The following CSTL1 variants were observed in gnomAD, a reference collection of about 807,000 sequenced individuals.
CSTL1 encodes the protein cystatin like 1.
A neutral mutation model predicts 14.4 loss-of-function variants in CSTL1; 14 were observed. The ratio of observed to expected loss-of-function variants is 0.97; its 90% CI spans 0.64 to 1.52. CSTL1 has a LOEUF of 1.52. CSTL1 is among the 40% of genes most tolerant of loss of function. The pLI, the probability that CSTL1 is intolerant of heterozygous loss-of-function variation, is 0.00. For missense variants in CSTL1, 170 were observed against 168.7 expected, an observed-to-expected ratio of 1.01 and a Z score of -0.04; for synonymous variants, 72 against 67.5, an observed-to-expected ratio of 1.07 and a Z score of -0.33.
At chr20:23,456,675 C>G in the CSTL1 span, among the ~76,000 whole-genome samples, 1 of 152,180 alleles carries the variant, frequency 6.6e-6, no homozygotes, top group Non-Finnish European at 1.5e-5. Flanking sequence ...AAGCAACACC[C>G]TTTTATTATC....
the CSTL1 span, among the ~76,000 whole-genome samples, chr20:23,456,907 C>T: frequency 2.6e-5 from 4 of 152,200 alleles, no homozygotes; most frequent in South Asian, 6.2e-4. Flanking sequence ...CCATCTCCCT[C>T]TTCTAAGGAC....
chr20:23,452,834 A>G, the CSTL1 span: 15 of 1,575,362 alleles, frequency 9.5e-6, no homozygotes, highest in Non-Finnish European at 1.2e-5. Flanking sequence ...GAGGAACAGG[A>G]AGAGTGTTCT....
the CSTL1 span, chr20:23,452,926 A>C: frequency 6.9e-6 from 5 of 726,364 alleles, no homozygotes; most frequent in African/African-American, 1.8e-5. Context: ...GTGGACACCC[A>C]CAGCTCTCCT....
chr20:23,443,849 T>C (rs1986897040), intron 2 of CSTL1, 85 bp from the exon 3 acceptor site: 1 of 951,952 alleles, frequency 1.1e-6, no homozygotes, highest in African/African-American at 1.7e-5. Flanking sequence ...CCTGGGAGCT[T>C]TACTCTCAGT....
downstream of CSTL1, among the ~76,000 whole-genome samples, chr20:23,447,598 C>T (rs1410930912): frequency 6.6e-6 from 1 of 151,996 alleles, no homozygotes; most frequent in Non-Finnish European, 1.5e-5. Context: ...GCTGGGATTA[C>T]AGGTGCCTGC....
chr20:23,446,295 C>T (rs902631263), downstream of CSTL1, among the ~76,000 whole-genome samples: 5 of 151,340 alleles, frequency 3.3e-5, no homozygotes, highest in Admixed American at 1.3e-4. Context: ...CTCGCTCTGT[C>T]GCCAGGCTGG....
downstream of CSTL1, among the ~76,000 whole-genome samples, chr20:23,446,579 G>A (rs767643962): frequency 5.3e-5 from 8 of 152,222 alleles, no homozygotes; most frequent in Non-Finnish European, 7.3e-5. Flanking sequence ...TCTAAGGACA[G>A]CAGTTCAGGC....
chr20:23,447,143 G>T (rs1255889378), downstream of CSTL1, among the ~76,000 whole-genome samples: 1 of 152,164 alleles, frequency 6.6e-6, no homozygotes, highest in Non-Finnish European at 1.5e-5. Flanking sequence ...TAGATGAAGA[G>T]CCTCCAAAGG....
At chr20:23,457,197 C>G in the CSTL1 span, among the ~76,000 whole-genome samples, 1 of 152,168 alleles carries the variant, frequency 6.6e-6, no homozygotes, top group African/African-American at 2.4e-5. Context: ...AGTTCCTTCT[C>G]TGCTCTGGAC....
chr20:23,444,940 C>A (rs982919155), downstream of CSTL1: 1 of 1,134,064 alleles, frequency 8.8e-7, no homozygotes, highest in Non-Finnish European at 1.3e-6. Flanking sequence ...ATGTCTCCCT[C>A]ATTGGGGTCT....
intron 2 of CSTL1, chr20:23,440,758 T>A: frequency 1.1e-5 from 1 of 93,932 alleles, no homozygotes; most frequent in Middle Eastern, 3.8e-3. Flanking sequence ...ATTAAACTCT[T>A]TTTTTTTTTT....
the CSTL1 span, among the ~76,000 whole-genome samples, chr20:23,455,260 G>A: frequency 6.6e-6 from 1 of 152,128 alleles, no homozygotes; most frequent in Non-Finnish European, 1.5e-5. Flanking sequence ...CAACTCTTGT[G>A]TGCTTAAACC....
chr20:23,460,138 C>T, the CSTL1 span, among the ~76,000 whole-genome samples: 4 of 152,202 alleles, frequency 2.6e-5, no homozygotes, highest in Admixed American at 6.5e-5. Flanking sequence ...GCATTTATAC[C>T]GTTCTGGGAA....
At chr20:23,460,848 T>C in the CSTL1 span, among the ~76,000 whole-genome samples, 1 of 152,096 alleles carries the variant, frequency 6.6e-6, no homozygotes, top group Non-Finnish European at 1.5e-5. Context: ...GGGAACTGGG[T>C]CATGCAAACC....
chr20:23,446,430 G>A (rs920317274), downstream of CSTL1, among the ~76,000 whole-genome samples: 1 of 151,896 alleles, frequency 6.6e-6, no homozygotes, highest in Non-Finnish European at 1.5e-5. Flanking sequence ...TAATTTTTTT[G>A]TATTTTTAGT....
At chr20:23,454,063 A>G in the CSTL1 span, among the ~76,000 whole-genome samples, 1 of 151,714 alleles carries the variant, frequency 6.6e-6, no homozygotes, top group Non-Finnish European at 1.5e-5. Flanking sequence ...ACACACACAT[A>G]CCGCCACACA....
At chr20:23,440,543 T>C (rs931804051) in intron 2 of CSTL1, 57 bp downstream of exon 2, 4 of 1,342,220 alleles carry the variant, frequency 3.0e-6, no homozygotes, top group African/African-American at 1.4e-5. Flanking sequence ...AGTTCAGACA[T>C]GTGAGGATTC....
chr20:23,458,845 G>A, the CSTL1 span, among the ~76,000 whole-genome samples: 1 of 152,250 alleles, frequency 6.6e-6, no homozygotes, highest in South Asian at 2.1e-4. Context: ...CTTAGCCAGA[G>A]ACTCCTTTTC....
the CSTL1 span, among the ~76,000 whole-genome samples, chr20:23,453,331 C>T: frequency 6.6e-6 from 1 of 152,108 alleles, no homozygotes; most frequent in Non-Finnish European, 1.5e-5. Context: ...AGCAGAGGCA[C>T]CCTACAGAAA....
Sources: allele counts gnomAD v4.1 joint callset (sites outside exome capture counted in the v4.1 genomes callset), GRCh38; gene constraint gnomAD v4.1.1; transcripts MANE v1.5; gene names NCBI Gene and HGNC (gene_info 2026-07-23, HGNC 2026-07-21).